The following KLRG1 variants were observed in gnomAD, a reference collection of about 807,000 sequenced individuals.
KLRG1 encodes the protein killer cell lectin like receptor G1.
KLRG1 carries 16 observed loss-of-function variants against 21.8 expected under a neutral mutation model. That is an observed-to-expected ratio of 0.73 (90% CI 0.50 to 1.11). The LOEUF (loss-of-function observed/expected upper bound fraction) is 1.11, where lower values mean the gene tolerates loss of function less well. Among genes scored for constraint, KLRG1 ranks in the 50% most tolerant of loss-of-function variants. The pLI, the probability that KLRG1 is intolerant of heterozygous loss-of-function variation, is 0.00. For synonymous variants in KLRG1, 69 were observed against 75.9 expected, an observed-to-expected ratio of 0.91 and a Z score of 0.47; for missense variants, 173 against 218.3, an observed-to-expected ratio of 0.79 and a Z score of 1.31.
At chr12:9,088,124 T>C in the KLRG1 span, among the ~76,000 whole-genome samples, 59 of 152,250 alleles carry the variant, frequency 3.9e-4, 3 homozygotes, top group South Asian at 9.5e-3. Flanking sequence ...ATGAAACTTA[T>C]ACAGTTTATT....
downstream of KLRG1, among the ~76,000 whole-genome samples, chr12:9,011,139 C>T (rs746177898): frequency 1.3e-5 from 2 of 152,160 alleles, no homozygotes; most frequent in Non-Finnish European, 2.9e-5. Flanking sequence ...CTTAAATTCT[C>T]ATCTGAGCAG....
chr12:9,028,146 C>CTTT, the KLRG1 span: 6 of 503,470 alleles, frequency 1.2e-5, no homozygotes, highest in Non-Finnish European at 2.0e-5. Context: ...TCGTCGTCTT[C>CTTT]TTCTTTTTTT....
chr12:9,108,273 T>C, the KLRG1 span, among the ~76,000 whole-genome samples: 2 of 152,022 alleles, frequency 1.3e-5, no homozygotes, highest in Admixed American at 1.3e-4. Context: ...CTACAGGCGC[T>C]GGCCACCATG....
chr12:9,151,540 G>A, the KLRG1 span: 2 of 1,346,038 alleles, frequency 1.5e-6, no homozygotes, highest in Middle Eastern at 1.8e-4. Flanking sequence ...GACTATTCTA[G>A]TAAAGAGACT....
chr12:9,163,834 C>T, the KLRG1 span: 1 of 1,590,594 alleles, frequency 6.3e-7, no homozygotes, highest in Admixed American at 1.8e-5. Context: ...CTTTGATAGT[C>T]CAATCACCTT....
chr12:9,143,947 A>G, the KLRG1 span, among the ~76,000 whole-genome samples: 1 of 152,232 alleles, frequency 6.6e-6, no homozygotes, highest in Admixed American at 6.5e-5. Context: ...CTCTTTCTAA[A>G]GAGAACAATT....
the KLRG1 span, among the ~76,000 whole-genome samples, chr12:9,132,065 TCTTA>T: frequency 6.6e-6 from 1 of 152,162 alleles, no homozygotes; most frequent in African/African-American, 2.4e-5. Flanking sequence ...CCTTCCTTGT[TCTTA>T]CTTAATGGAA....
At chr12:8,950,348 G>GGT (rs1272160983) in intron 1 of KLRG1, 2 of 152,188 alleles carry the variant, frequency 1.3e-5, no homozygotes, top group Non-Finnish European at 2.9e-5. Flanking sequence ...GTTCGCCAGA[G>GGT]GTTACTTCTG....
chr12:9,180,701 A>G, the KLRG1 span, among the ~76,000 whole-genome samples: 1 of 152,248 alleles, frequency 6.6e-6, no homozygotes, highest in Non-Finnish European at 1.5e-5. Context: ...AAAACCCTAG[A>G]AGAAAACCTA....
At chr12:9,105,491 A>G in the KLRG1 span, among the ~76,000 whole-genome samples, 1 of 152,174 alleles carries the variant, frequency 6.6e-6, no homozygotes, top group South Asian at 2.1e-4. Flanking sequence ...TACACCCTTC[A>G]TAGCTGAAAT....
chr12:8,975,860 C>CT (rs901300702), intron 1 of KLRG1, among the ~76,000 whole-genome samples: 33 of 151,432 alleles, frequency 2.2e-4, no homozygotes, highest in East Asian at 7.7e-4. Flanking sequence ...CTGGGCCCAG[C>CT]TTTTTTTTTC....
the KLRG1 span, chr12:9,068,748 T>C: frequency 6.2e-7 from 1 of 1,601,320 alleles, no homozygotes; most frequent in Non-Finnish European, 8.5e-7. Flanking sequence ...ACCCGTCTCG[T>C]AGTAATCATA....
chr12:8,998,198 A>T (rs961196955), intron 3 of KLRG1, among the ~76,000 whole-genome samples: 1 of 151,994 alleles, frequency 6.6e-6, no homozygotes, highest in Non-Finnish European at 1.5e-5. Context: ...GCGTGCTGTT[A>T]TGCACCTGTA....
rs1379483214 is a variant in KLRG1, at chr12:9,001,228, T to C, written c.357+5940T>C. ...AATTATTTTTAGACCTTATGAGTAC[T>C]CTGTATTGTAAATTTTTTTCAAATT... On this transcript the variant is annotated intron_variant, in intron 3 of 4. Coordinates refer to ENST00000356986, the MANE Select transcript of KLRG1 (RefSeq NM_005810.4). Among the ~76,000 whole-genome samples the C allele has an allele frequency of 2.6e-5, 4 of 152,204 alleles. No individual in the cohort carries two copies. The East Asian group carries it at 5.8e-4, about 22-fold the overall frequency.
chr12:9,126,923 CATT>C, the KLRG1 span, among the ~76,000 whole-genome samples: 1 of 152,156 alleles, frequency 6.6e-6, no homozygotes, highest in Non-Finnish European at 1.5e-5. Flanking sequence ...TTACAGAAAA[CATT>C]ATAACACAAG....
chr12:9,137,924 C>G, the KLRG1 span, among the ~76,000 whole-genome samples: 4 of 152,008 alleles, frequency 2.6e-5, no homozygotes, highest in East Asian at 5.8e-4. Flanking sequence ...TAAAATGGAG[C>G]CTTTGGGATT....
At chr12:9,037,573 A>T in the KLRG1 span, among the ~76,000 whole-genome samples, 1 of 152,248 alleles carries the variant, frequency 6.6e-6, no homozygotes, top group African/African-American at 2.4e-5. Context: ...GTGTGTATAA[A>T]GTCTACAGTA....
chr12:9,168,606 G>A, the KLRG1 span: 1 of 334,512 alleles, frequency 3.0e-6, no homozygotes, highest in Non-Finnish European at 5.4e-6. Context: ...TCCATTGTCA[G>A]CATTTTCCCT....
At chr12:8,974,624 A>G (rs888489503) in intron 1 of KLRG1, among the ~76,000 whole-genome samples, 6 of 152,160 alleles carry the variant, frequency 3.9e-5, no homozygotes, top group Non-Finnish European at 8.8e-5. Flanking sequence ...ATCTATTGAG[A>G]TAATCAAAAG....
Sources: gnomAD v4.1 joint callset for allele counts (sites outside exome capture counted in the v4.1 genomes callset) on GRCh38, gnomAD v4.1.1 for gene constraint, MANE v1.5 for transcripts, NCBI Gene and HGNC (gene_info 2026-07-23, HGNC 2026-07-21) for gene names.